The following ASIC2 variants were observed in gnomAD, a reference collection of about 807,000 sequenced individuals.
The protein encoded by ASIC2 is acid sensing ion channel subunit 2.
A neutral mutation model predicts 57.3 loss-of-function variants in ASIC2; 25 were observed. That is an observed-to-expected ratio of 0.44 (90% CI 0.32 to 0.61). The LOEUF (loss-of-function observed/expected upper bound fraction) is 0.61. ASIC2 is among the 20% of genes least tolerant of loss of function. ASIC2 has a pLI of 0.06. For synonymous variants in ASIC2, 319 were observed against 307.5 expected, an observed-to-expected ratio of 1.04 and a Z score of -0.39; for missense variants, 641 against 738.1, an observed-to-expected ratio of 0.87 and a Z score of 1.52.
intron 3 of ASIC2, among the ~76,000 whole-genome samples, chr17:33,050,836 G>C (rs927216293): frequency 6.6e-6 from 1 of 152,090 alleles, no homozygotes; most frequent in African/African-American, 2.4e-5. Context: ...GGGAGGGTAG[G>C]GGTGCAGGGA....
intron 1 of ASIC2, among the ~76,000 whole-genome samples, chr17:34,022,629 G>GAAAA (rs796222459): frequency 3.2e-4 from 29 of 90,268 alleles, no homozygotes; most frequent in African/African-American, 1.1e-3. Flanking sequence ...AATTTCCCAT[G>GAAAA]AAAAAAAAAA....
chr17:33,722,242 G>C (rs183575756), intron 1 of ASIC2, among the ~76,000 whole-genome samples: 15 of 152,214 alleles, frequency 9.9e-5, no homozygotes, highest in Admixed American at 9.8e-4. Flanking sequence ...AGCTCTCTTG[G>C]CTGCCACCAT....
intron 1 of ASIC2, among the ~76,000 whole-genome samples, chr17:34,072,918 C>G (rs903849958): frequency 6.6e-6 from 1 of 152,130 alleles, no homozygotes; most frequent in Non-Finnish European, 1.5e-5. Context: ...TGTGCGTGCC[C>G]TGGTACTAAA....
At chr17:33,623,964 T>G (rs1157254305) in intron 1 of ASIC2, 2 of 152,242 alleles carry the variant, frequency 1.3e-5, no homozygotes, top group African/African-American at 4.8e-5. Flanking sequence ...CCTGCCAGTC[T>G]GACGCATTCT....
At chr17:34,010,425 AG>A (rs1447245108) in intron 1 of ASIC2, among the ~76,000 whole-genome samples, 1 of 152,226 alleles carries the variant, frequency 6.6e-6, no homozygotes, top group Admixed American at 6.5e-5. Context: ...AGCTGTGCAC[AG>A]TCCATCTGGA....
chr17:34,088,337 C>T (rs1324842903), intron 1 of ASIC2, among the ~76,000 whole-genome samples: 1 of 152,174 alleles, frequency 6.6e-6, no homozygotes, highest in African/African-American at 2.4e-5. Flanking sequence ...GTATCAGCAG[C>T]GGTGTTTGCA....
intron 1 of ASIC2, among the ~76,000 whole-genome samples, chr17:33,117,329 C>T (rs1308917983): frequency 6.6e-6 from 1 of 152,002 alleles, no homozygotes; most frequent in Non-Finnish European, 1.5e-5. Context: ...GCATGCACCA[C>T]CATGCCCGCC....
In ASIC2 at chr17:33,169,313, C is replaced by T. The variant is rs79225743; in HGVS notation, c.709-57246G>A. Among the ~76,000 whole-genome samples the T allele has an allele frequency of 4.7e-4, 71 of 152,342 alleles. 2 individuals carry two copies. The East Asian group carries it at 0.013, about 27-fold the overall frequency. On this transcript the variant is annotated intron_variant, in intron 1 of 9. Coordinates refer to ENST00000225823, the MANE Select transcript of ASIC2 (RefSeq NM_183377.2). ...ACTCAGGGGAGTGGTTCAACCTCTG[C>T]TGTGTCTCTTTCCTTCCAACTGCTC...
chr17:34,088,593 C>A (rs1243657351), intron 1 of ASIC2, among the ~76,000 whole-genome samples: 6 of 152,234 alleles, frequency 3.9e-5, no homozygotes, highest in Non-Finnish European at 7.3e-5. Context: ...TTTAAGTCTG[C>A]AGAGGTTACT....
chr17:33,421,928 C>G (rs142262648), intron 1 of ASIC2, among the ~76,000 whole-genome samples: 1 of 152,230 alleles, frequency 6.6e-6, no homozygotes, highest in Non-Finnish European at 1.5e-5. Flanking sequence ...ACCAAGCACA[C>G]GTTGCTTCCT....
At chr17:33,484,487 G>A (rs962602793) in intron 1 of ASIC2, among the ~76,000 whole-genome samples, 6 of 152,090 alleles carry the variant, frequency 3.9e-5, no homozygotes, top group Non-Finnish European at 1.5e-5. Flanking sequence ...AAATTAACAG[G>A]TGAAATGAAT....
chr17:33,337,851 C>T (rs1241856329), intron 1 of ASIC2, among the ~76,000 whole-genome samples: 2 of 148,776 alleles, frequency 1.3e-5, no homozygotes, highest in Non-Finnish European at 3.0e-5. Context: ...TGTAAGTGTT[C>T]CTTCTGAGGT....
At chr17:33,635,705 G>C (rs1785252057) in intron 1 of ASIC2, among the ~76,000 whole-genome samples, 1 of 152,196 alleles carries the variant, frequency 6.6e-6, no homozygotes, top group Non-Finnish European at 1.5e-5. Flanking sequence ...CAGAGGCAGA[G>C]AACAAGAAAT....
At chr17:33,105,159 T>C (rs1271871883) in intron 2 of ASIC2, among the ~76,000 whole-genome samples, 2 of 152,180 alleles carry the variant, frequency 1.3e-5, no homozygotes, top group East Asian at 1.9e-4. Context: ...GAAGGTGATA[T>C]AGTTTGGCTT....
intron 1 of ASIC2, among the ~76,000 whole-genome samples, chr17:33,957,663 A>G (rs888704438): frequency 2.6e-5 from 4 of 152,180 alleles, no homozygotes; most frequent in African/African-American, 9.7e-5. Flanking sequence ...GTTCTCTCCC[A>G]TGACACGTGG....
chr17:33,777,373 G>A (rs1911316762), intron 1 of ASIC2, among the ~76,000 whole-genome samples: 1 of 152,210 alleles, frequency 6.6e-6, no homozygotes, highest in Non-Finnish European at 1.5e-5. Flanking sequence ...TCCTCATGAT[G>A]GGTCATGATG....
At chr17:33,095,459 G>A (rs2141971558) in intron 2 of ASIC2, among the ~76,000 whole-genome samples, 1 of 152,354 alleles carries the variant, frequency 6.6e-6, no homozygotes, top group African/African-American at 2.4e-5. Context: ...TGCCTGGCAT[G>A]CAGTAGGAAC....
intron 1 of ASIC2, among the ~76,000 whole-genome samples, chr17:34,146,553 G>T (rs1180322667): frequency 3.3e-5 from 5 of 152,184 alleles, no homozygotes; most frequent in Non-Finnish European, 7.3e-5. Context: ...AACACTGAGT[G>T]TAAACTGCAC....
At chr17:33,211,639 A>G (rs773382121) in intron 1 of ASIC2, among the ~76,000 whole-genome samples, 20 of 151,850 alleles carry the variant, frequency 1.3e-4, no homozygotes, top group Non-Finnish European at 2.9e-4. Flanking sequence ...CCAATATTGC[A>G]TTATCTCAGA....
Sources: gnomAD v4.1 joint callset for allele counts (sites outside exome capture counted in the v4.1 genomes callset) on GRCh38, gnomAD v4.1.1 for gene constraint, MANE v1.5 for transcripts, NCBI Gene and HGNC (gene_info 2026-07-23, HGNC 2026-07-21) for gene names.